Variants in CATSPERB observed in about 807,000 individuals in gnomAD.
The protein encoded by CATSPERB is cation channel sperm-associated auxiliary subunit beta.
In CATSPERB, 93 loss-of-function variants were observed where a neutral mutation model predicts 128.3. The observed-to-expected ratio is 0.72, with a 90% CI of 0.61 to 0.86. The LOEUF is 0.86. Among genes scored for constraint, CATSPERB ranks in the 40% least tolerant of loss-of-function variants. The pLI is 0.00. For missense variants in CATSPERB, 1,153 were observed against 1,329.5 expected, an observed-to-expected ratio of 0.87 and a Z score of 2.06; for synonymous variants, 381 against 448.8, an observed-to-expected ratio of 0.85 and a Z score of 1.91.
At chr14:91,715,751 T>C (rs960802376) in intron 5 of CATSPERB, among the ~76,000 whole-genome samples, 1 of 152,072 alleles carries the variant, frequency 6.6e-6, no homozygotes, top group African/African-American at 2.4e-5. Flanking sequence ...AGGACTAACA[T>C]GGCTTACAAG....
chr14:91,725,120 T>C lies in CATSPERB; in HGVS notation c.128A>G (p.Glu43Gly). Reference protein sequence around the residue: ...FACSNKGFPQENEIIKLYLFL... With the variant: ...FACSNKGFPQGNEIIKLYLFL... ...AAGATACAACTTGATTATTTCATTC[T>C]CTTGAGGGAACCCTTTGTTAGAACA... Residue 43 changes from glutamate to glycine, a missense_variant, in exon 3 of 27, where the codon GAG becomes GGG. Glu to Gly is a moderately conservative substitution (Grantham distance 98). Coordinates refer to ENST00000256343, the MANE Select transcript of CATSPERB (RefSeq NM_024764.4). The C allele has an allele frequency of 3.8e-6, 6 of 1,584,152 alleles. No homozygotes were observed. The highest frequency in any genetic ancestry group is 5.1e-6 in the Non-Finnish European group (6 of 1,166,810).
At chr14:91,727,518 A>T (rs1190824075) in intron 2 of CATSPERB, among the ~76,000 whole-genome samples, 2 of 152,234 alleles carry the variant, frequency 1.3e-5, no homozygotes, top group Admixed American at 1.3e-4. Context: ...AAATATCACA[A>T]ATATGCAAAA....
At chr14:91,670,150 C>T (rs1328656294) in intron 13 of CATSPERB, among the ~76,000 whole-genome samples, 178 bp from the exon 14 acceptor site, 3 of 152,228 alleles carry the variant, frequency 2.0e-5, no homozygotes, top group African/African-American at 7.2e-5. Context: ...GCCACACACC[C>T]ATCTTATAGT....
At chr14:91,636,838 T>C (rs1252324314) in intron 16 of CATSPERB, among the ~76,000 whole-genome samples, 1 of 151,990 alleles carries the variant, frequency 6.6e-6, no homozygotes, top group Non-Finnish European at 1.5e-5. Context: ...ATGGTTGGAG[T>C]GAAAGGGTAC....
At chr14:91,668,054 T>C (rs1895018896) in intron 14 of CATSPERB, among the ~76,000 whole-genome samples, 1 of 152,048 alleles carries the variant, frequency 6.6e-6, no homozygotes, top group African/African-American at 2.4e-5. Flanking sequence ...GCCTAAAGAG[T>C]TCCCCTCTGG....
intron 7 of CATSPERB, among the ~76,000 whole-genome samples, chr14:91,700,832 G>A (rs1309982729): frequency 6.6e-6 from 1 of 152,018 alleles, no homozygotes; most frequent in Non-Finnish European, 1.5e-5. Flanking sequence ...GGAGGGAAGG[G>A]AGCAATGGTT....
At chr14:91,638,379 G>T (rs1894417805) in intron 16 of CATSPERB, among the ~76,000 whole-genome samples, 1 of 150,866 alleles carries the variant, frequency 6.6e-6, no homozygotes, top group South Asian at 2.1e-4. Flanking sequence ...AAAGAAGAAA[G>T]GTAGACCACA....
At chr14:91,652,670 C>CAAAAAAAAAA (rs58608847) in intron 15 of CATSPERB, among the ~76,000 whole-genome samples, 17 of 69,214 alleles carry the variant, frequency 2.5e-4, no homozygotes, top group Admixed American at 4.8e-4. Flanking sequence ...GACTCTGTCT[C>CAAAAAAAAAA]AAAAAAAAAA....
chr14:91,661,206 G>A (rs1410911458), intron 14 of CATSPERB, among the ~76,000 whole-genome samples: 5 of 152,034 alleles, frequency 3.3e-5, no homozygotes, highest in Non-Finnish European at 5.9e-5. Context: ...CAATAGGCTC[G>A]AACTTGTATC....
In CATSPERB at chr14:91,608,335, G is replaced by T; in HGVS notation, c.2668C>A (p.Pro890Thr). 2 of 1,612,598 alleles carry T rather than the reference G, an allele frequency of 1.2e-6. No individual in the cohort carries two copies. Among genetic ancestry groups the T allele is most frequent in the Non-Finnish European group, 1.7e-6 (2 of 1,178,844 alleles). Residue 890 changes from proline to threonine, a missense_variant, in exon 22 of 27, where the codon CCT (proline) becomes ACT (threonine). Pro to Thr is a conservative substitution (Grantham distance 38, BLOSUM62 -1). Coordinates refer to ENST00000256343, the MANE Select transcript of CATSPERB (RefSeq NM_024764.4). ...PLTDNFYHAD[P>T]SKPIPRNMFH... ...ATGTTTCTTGGTATGGGTTTGCTAG[G>T]ATCTGCATGATAAAAATTATCTGTG...
At chr14:91,641,065 C>T (rs1894489162) in intron 15 of CATSPERB, among the ~76,000 whole-genome samples, 1 of 120,424 alleles carries the variant, frequency 8.3e-6, no homozygotes, top group Non-Finnish European at 1.7e-5. Context: ...TGTCCTTCGC[C>T]CACTTTTTGA....
At chr14:91,663,852 T>C (rs893088949) in intron 14 of CATSPERB, among the ~76,000 whole-genome samples, 1 of 152,148 alleles carries the variant, frequency 6.6e-6, no homozygotes. Flanking sequence ...TAGTGTTACG[T>C]ATATTTACAT....
chr14:91,639,832 ATG>A (rs3993874), intron 15 of CATSPERB, among the ~76,000 whole-genome samples: 27,617 of 151,608 alleles, frequency 0.18, 2,689 homozygotes, highest in South Asian at 0.23. Flanking sequence ...ATGGCTCAGG[ATG>A]AAAAAGACTA....
At chr14:91,705,753 T>C (rs923215763) in intron 6 of CATSPERB, among the ~76,000 whole-genome samples, 2 of 152,210 alleles carry the variant, frequency 1.3e-5, no homozygotes, top group African/African-American at 4.8e-5. Flanking sequence ...CCAATAGGAC[T>C]CTGCACTCAC....
chr14:91,647,329 A>T (rs1360781790), intron 15 of CATSPERB, among the ~76,000 whole-genome samples: 1 of 152,174 alleles, frequency 6.6e-6, no homozygotes, highest in African/African-American at 2.4e-5. Flanking sequence ...CACCATCTAT[A>T]TTCTCACTAC....
chr14:91,712,749 A>C (rs1895861457), intron 5 of CATSPERB, among the ~76,000 whole-genome samples: 1 of 152,210 alleles, frequency 6.6e-6, no homozygotes, highest in Admixed American at 6.5e-5. Flanking sequence ...GGCGGGAACC[A>C]ACCCAAGATT....
chr14:91,604,462 A>G, intron 22 of CATSPERB: 1 of 1,512,972 alleles, frequency 6.6e-7, no homozygotes, highest in Non-Finnish European at 9.1e-7. Flanking sequence ...CAGCTTGTGG[A>G]GTACTAAAAT....
chr14:91,639,206 A>C lies in CATSPERB; in HGVS notation c.1477T>G (p.Phe493Val). The change falls in exon 16 of 27, where the codon TTC (phenylalanine) becomes GTC (valine). Residue 493 changes from phenylalanine to valine, a missense_variant. Coordinates refer to ENST00000256343, the MANE Select transcript of CATSPERB (RefSeq NM_024764.4). ...CCCAAGTGATCATAGTATAATGTGA[A>C]AATTCTCTCAGTAACACTTCCGACT... is the stretch of plus-strand genomic sequence containing the variant. ...SAVGSVTERI[F>V]TLYYDHLGFL... 1 of 1,613,908 alleles carries C rather than the reference A, an allele frequency of 6.2e-7. No homozygotes were observed. The highest frequency in any genetic ancestry group is 8.5e-7 in the Non-Finnish European group (1 of 1,179,914).
intron 14 of CATSPERB, among the ~76,000 whole-genome samples, chr14:91,668,628 G>A (rs957105989): frequency 5.9e-5 from 9 of 152,232 alleles, no homozygotes; most frequent in Non-Finnish European, 1.0e-4. Context: ...CTGCTCACTC[G>A]TGGTCCACAC....
Sources: gnomAD v4.1 joint callset for allele counts (sites outside exome capture counted in the v4.1 genomes callset) on GRCh38, gnomAD v4.1.1 for gene constraint, MANE v1.5 for transcripts, NCBI Gene and HGNC (gene_info 2026-07-23, HGNC 2026-07-21) for gene names.